The following SNTG1 variants were observed in gnomAD, a reference collection of about 807,000 sequenced individuals.
The protein encoded by SNTG1 is syntrophin gamma 1.
A neutral mutation model predicts 74.7 loss-of-function variants in SNTG1; 39 were observed. The observed-to-expected ratio is 0.52, with a 90% CI of 0.40 to 0.68. The LOEUF is 0.68. Ranked by LOEUF, SNTG1 falls within the 30% of genes least tolerant of loss-of-function variation. The pLI is 0.00. For synonymous variants in SNTG1, 254 were observed against 217.1 expected (o/e 1.17, Z -1.49); for missense variants, 685 against 609.5 (o/e 1.12, Z -1.30).
intron 8 of SNTG1, among the ~76,000 whole-genome samples, chr8:50,467,400 G>A (rs1587720770): frequency 6.6e-6 from 1 of 151,958 alleles, no homozygotes; most frequent in South Asian, 2.1e-4. Context: ...CCCAGATCAT[G>A]TAAGTTATCA....
chr8:50,565,981 A>AT (rs754048966), intron 12 of SNTG1, among the ~76,000 whole-genome samples: 23 of 152,068 alleles, frequency 1.5e-4, no homozygotes, highest in Admixed American at 3.9e-4. Context: ...TTTTACGGAA[A>AT]TTTTCACTTG....
At chr8:50,688,732 C>T (rs1242768489) in intron 15 of SNTG1, among the ~76,000 whole-genome samples, 2 of 152,078 alleles carry the variant, frequency 1.3e-5, no homozygotes, top group African/African-American at 2.4e-5. Flanking sequence ...ATTGACTTGG[C>T]AATGCGGGCT....
chr8:50,234,111 A>T (rs1382104365), intron 2 of SNTG1, among the ~76,000 whole-genome samples: 1 of 151,968 alleles, frequency 6.6e-6, no homozygotes, highest in East Asian at 1.9e-4. Context: ...AATTATTCAT[A>T]CCAAATTCAT....
At chr8:50,645,646 C>A (rs2095104371) in intron 13 of SNTG1, among the ~76,000 whole-genome samples, 1 of 152,134 alleles carries the variant, frequency 6.6e-6, no homozygotes, top group African/African-American at 2.4e-5. Context: ...ATAACAGGTA[C>A]AATTTATCTC....
intron 18 of SNTG1, among the ~76,000 whole-genome samples, chr8:50,753,726 G>T (rs2095573319): frequency 2.0e-5 from 3 of 151,778 alleles, no homozygotes; most frequent in Non-Finnish European, 4.4e-5. Context: ...TTCATTAAGA[G>T]ATAGTGTAAG....
At chr8:49,918,796 A>C (rs1011281957) in intron 1 of SNTG1, among the ~76,000 whole-genome samples, 1 of 152,134 alleles carries the variant, frequency 6.6e-6, no homozygotes, top group Non-Finnish European at 1.5e-5. Flanking sequence ...TTGATGGAAA[A>C]AAAGGAGCTT....
At chr8:50,578,760 C>T (rs1007868774) in intron 12 of SNTG1, among the ~76,000 whole-genome samples, 2 of 152,142 alleles carry the variant, frequency 1.3e-5, no homozygotes, top group African/African-American at 4.8e-5. Context: ...TTTGCTTCCC[C>T]TTTTGCCATA....
intron 17 of SNTG1, among the ~76,000 whole-genome samples, chr8:50,720,627 G>T (rs968664469): frequency 6.6e-6 from 1 of 152,172 alleles, no homozygotes; most frequent in Non-Finnish European, 1.5e-5. Context: ...ATAGGATTTG[G>T]TGGGACAGTT....
intron 9 of SNTG1, among the ~76,000 whole-genome samples, chr8:50,522,730 C>T (rs368353310): frequency 1.3e-3 from 205 of 152,178 alleles, no homozygotes; most frequent in African/African-American, 4.7e-3. Context: ...AGGCATGCAC[C>T]GCCATGCCCG....
At chr8:50,286,394 A>G (rs746215810) in intron 2 of SNTG1, 13 of 152,186 alleles carry the variant, frequency 8.5e-5, no homozygotes, top group African/African-American at 3.1e-4. Context: ...GTATGCTACA[A>G]GTGTGCTCTA....
At chr8:50,640,355 G>A (rs2095064977) in intron 13 of SNTG1, among the ~76,000 whole-genome samples, 1 of 152,106 alleles carries the variant, frequency 6.6e-6, no homozygotes, top group Non-Finnish European at 1.5e-5. Flanking sequence ...CCTCTAGCTT[G>A]TTAATCTACA....
chr8:50,502,402 TG>T (rs1298937741), intron 8 of SNTG1, among the ~76,000 whole-genome samples: 1 of 152,204 alleles, frequency 6.6e-6, no homozygotes, highest in Non-Finnish European at 1.5e-5. Flanking sequence ...AATTTATTGG[TG>T]CAAAATAGGT....
At chr8:49,958,459 T>C (rs1392111712) in intron 1 of SNTG1, among the ~76,000 whole-genome samples, 1 of 151,934 alleles carries the variant, frequency 6.6e-6, no homozygotes, top group African/African-American at 2.4e-5. Flanking sequence ...TCTCGCTCTG[T>C]AGCCCAGGCC....
chr8:50,489,003 C>T (rs2093825080), intron 8 of SNTG1, among the ~76,000 whole-genome samples: 1 of 152,036 alleles, frequency 6.6e-6, no homozygotes, highest in African/African-American at 2.4e-5. Context: ...GTTCAACTCT[C>T]ATTTATGAGT....
intron 18 of SNTG1, among the ~76,000 whole-genome samples, chr8:50,781,971 T>G (rs943379810): frequency 2.0e-5 from 3 of 152,182 alleles, no homozygotes; most frequent in Non-Finnish European, 4.4e-5. Context: ...TGAAGCTTAG[T>G]TTGGCTGGAT....
chr8:50,210,327 T>G (rs1384996779), intron 2 of SNTG1, among the ~76,000 whole-genome samples: 1 of 152,124 alleles, frequency 6.6e-6, no homozygotes, highest in East Asian at 1.9e-4. Context: ...CAGGAGAACT[T>G]CCCCAACCTA....
At chr8:50,708,060 G>C (rs1006171940) in intron 16 of SNTG1, 2 of 241,350 alleles carry the variant, frequency 8.3e-6, no homozygotes, top group African/African-American at 2.3e-5. Flanking sequence ...AATTAGCCAG[G>C]CACGGTGGCG....
intron 1 of SNTG1, among the ~76,000 whole-genome samples, chr8:50,096,212 C>T (rs1317440376): frequency 1.3e-5 from 2 of 152,114 alleles, no homozygotes; most frequent in Non-Finnish European, 2.9e-5. Flanking sequence ...ACACAACCAC[C>T]CTTCTTGACA....
At chr8:50,093,453 C>T (rs1400951227) in intron 1 of SNTG1, among the ~76,000 whole-genome samples, 2 of 152,062 alleles carry the variant, frequency 1.3e-5, no homozygotes, top group African/African-American at 4.8e-5. Flanking sequence ...CTGGCATACT[C>T]ACCAGTAATT....
Sources: allele counts gnomAD v4.1 joint callset (sites outside exome capture counted in the v4.1 genomes callset), GRCh38; gene constraint gnomAD v4.1.1; transcripts MANE v1.5; gene names NCBI Gene and HGNC (gene_info 2026-07-23, HGNC 2026-07-21).